The following SERPINI2 variants were observed in gnomAD, a reference collection of about 807,000 sequenced individuals.
SERPINI2 encodes the protein serpin I2.
Under a neutral mutation model 47.3 loss-of-function variants are expected in SERPINI2, and 48 were observed. The ratio of observed to expected loss-of-function variants is 1.02; its 90% CI spans 0.81 to 1.29. The LOEUF (loss-of-function observed/expected upper bound fraction) is 1.29, where lower values mean the gene tolerates loss of function less well. SERPINI2 is among the 50% of genes most tolerant of loss of function. SERPINI2 has a pLI of 0.00. For synonymous variants in SERPINI2, 135 were observed against 149.3 expected (o/e 0.90, Z 0.70); for missense variants, 448 against 456.9 (o/e 0.98, Z 0.18).
chr3:167,460,621 G>T (rs1389444520), intron 5 of SERPINI2, among the ~76,000 whole-genome samples: 1 of 152,028 alleles, frequency 6.6e-6, no homozygotes, highest in Non-Finnish European at 1.5e-5. Context: ...AATTTAGAAA[G>T]AAAAAAATCT....
intron 2 of SERPINI2, 122 bp downstream of exon 2, chr3:167,471,466 C>T (rs893357312): frequency 9.8e-6 from 9 of 921,686 alleles, no homozygotes; most frequent in Non-Finnish European, 7.7e-6. Flanking sequence ...CATTTTATTA[C>T]AATTTTGTAC....
chr3:167,466,021 C>A (rs780910963), intron 3 of SERPINI2, among the ~76,000 whole-genome samples: 3 of 152,148 alleles, frequency 2.0e-5, no homozygotes, highest in Non-Finnish European at 1.5e-5. Flanking sequence ...CCATCTATTT[C>A]AAGGTCTTCT....
intron 2 of SERPINI2, among the ~76,000 whole-genome samples, chr3:167,469,013 G>C (rs756206165): frequency 1.3e-5 from 2 of 152,196 alleles, no homozygotes; most frequent in East Asian, 3.8e-4. Context: ...CTAAGTCTAT[G>C]TGACAAACAG....
At chr3:167,449,398 T>G (rs6770577) in exon 7 of SERPINI2, 1 of 1,600,500 alleles carries the variant, frequency 6.2e-7, no homozygotes, top group Non-Finnish European at 8.5e-7. Flanking sequence ...ACACTTCAGA[T>G]GAATCTGGTT....
intron 8 of SERPINI2, among the ~76,000 whole-genome samples, chr3:167,443,164 G>A (rs1026131472): frequency 6.6e-6 from 1 of 152,208 alleles, no homozygotes; most frequent in African/African-American, 2.4e-5. Context: ...CTGGAGTGCA[G>A]TGGCGGGATC....
chr3:167,465,212 A>C, exon 5 of SERPINI2: 1 of 1,607,450 alleles, frequency 6.2e-7, no homozygotes, highest in Non-Finnish European at 8.5e-7. Context: ...CAACCTAGGG[A>C]GGCTTATTTC....
intron 5 of SERPINI2, among the ~76,000 whole-genome samples, chr3:167,459,540 A>T (rs1336119477): frequency 6.6e-6 from 1 of 152,120 alleles, no homozygotes; most frequent in Non-Finnish European, 1.5e-5. Context: ...TTTTGAGATG[A>T]TATCTTATTG....
intron 5 of SERPINI2, among the ~76,000 whole-genome samples, chr3:167,459,078 G>GTTTTTTTTTTTTTTTTTTTTTTTT (rs536122299): frequency 7.2e-6 from 1 of 139,030 alleles, no homozygotes; most frequent in African/African-American, 2.7e-5. Flanking sequence ...GTTTTTTTTT[G>GTTTTTTTTTTTTTTTTTTTTTTTT]TTTTTTTTTT....
upstream of SERPINI2, among the ~76,000 whole-genome samples, chr3:167,475,760 C>G (rs1916350): frequency 0.98 from 147,606 of 150,550 alleles, 72,376 homozygotes; most frequent in East Asian, 1. Context: ...TGAGAGCCAA[C>G]GTGTCTTGGT....
At chr3:167,443,396 C>A (rs925396967) in intron 8 of SERPINI2, among the ~76,000 whole-genome samples, 1 of 152,160 alleles carries the variant, frequency 6.6e-6, no homozygotes, top group East Asian at 1.9e-4. Context: ...CGTGAGCCAC[C>A]GCGCCTGGCC....
At chr3:167,471,955 C>T in intron 1 of SERPINI2, 111 bp from the exon 2 acceptor site, 4 of 723,380 alleles carry the variant, frequency 5.5e-6, no homozygotes, top group Non-Finnish European at 9.2e-6. Flanking sequence ...GAACTTACTA[C>T]CACAAGTGAA....
intron 8 of SERPINI2, among the ~76,000 whole-genome samples, chr3:167,442,732 G>C (rs1340036450): frequency 2.0e-5 from 3 of 152,134 alleles, no homozygotes; most frequent in Non-Finnish European, 4.4e-5. Context: ...CAGCATAAAT[G>C]CAAATACCTG....
intron 2 of SERPINI2, among the ~76,000 whole-genome samples, chr3:167,471,277 A>G (rs890506218): frequency 6.6e-6 from 1 of 152,178 alleles, no homozygotes; most frequent in Non-Finnish European, 1.5e-5. Context: ...GTACATACAC[A>G]CACACACATG....
At chr3:167,469,862 T>A (rs1201482647) in intron 2 of SERPINI2, among the ~76,000 whole-genome samples, 1 of 152,180 alleles carries the variant, frequency 6.6e-6, no homozygotes, top group Non-Finnish European at 1.5e-5. Context: ...AGCAAATTAT[T>A]TAACCTTTCT....
chr3:167,460,943 A>G (rs1458862699), intron 5 of SERPINI2, among the ~76,000 whole-genome samples: 1 of 152,256 alleles, frequency 6.6e-6, no homozygotes, highest in Non-Finnish European at 1.5e-5. Context: ...GCTGTCCCAG[A>G]AATCACATTT....
chr3:167,476,845 G>A (rs562219876), upstream of SERPINI2, among the ~76,000 whole-genome samples: 2 of 152,128 alleles, frequency 1.3e-5, no homozygotes, highest in South Asian at 4.2e-4. Context: ...GGGATGGACG[G>A]ATCAGTGGGG....
chr3:167,449,455 G>A (rs918105047), intron 6 of SERPINI2, 53 bp from the exon 7 acceptor site: 56 of 1,033,704 alleles, frequency 5.4e-5, no homozygotes, highest in African/African-American at 1.8e-4. Context: ...ATCAAAAGCC[G>A]TTACCTATTA....
intron 5 of SERPINI2, among the ~76,000 whole-genome samples, chr3:167,464,050 G>A (rs1750063103): frequency 8.2e-6 from 1 of 122,652 alleles, no homozygotes; most frequent in South Asian, 2.7e-4. Context: ...GTCTCACCCT[G>A]TTGCCAGGCT....
intron 5 of SERPINI2, among the ~76,000 whole-genome samples, chr3:167,464,705 TG>T (rs1005897351): frequency 2.0e-5 from 3 of 152,202 alleles, no homozygotes; most frequent in African/African-American, 7.2e-5. Flanking sequence ...TATTGCTTCC[TG>T]AGATAACCCT....
Sources: allele counts gnomAD v4.1 joint callset (sites outside exome capture counted in the v4.1 genomes callset), GRCh38; gene constraint gnomAD v4.1.1; transcripts MANE v1.5; gene names NCBI Gene and HGNC (gene_info 2026-07-23, HGNC 2026-07-21).